Variants in NAV2 observed in about 807,000 individuals in gnomAD.
NAV2 encodes helicase, APC down-regulated 1.
NAV2 carries 54 observed loss-of-function variants against 223.2 expected under a neutral mutation model. That is an observed-to-expected ratio of 0.24 (90% CI 0.19 to 0.30). The LOEUF is 0.30. NAV2 is among the 10% of genes least tolerant of loss of function. NAV2 has a pLI of 1.00. For synonymous variants in NAV2, 1,279 were observed against 1,239.3 expected, an observed-to-expected ratio of 1.03 and a Z score of -0.67; for missense variants, 2,806 against 3,147.5, an observed-to-expected ratio of 0.89 and a Z score of 2.60.
At chr11:19,783,138 G>T (rs2056861048) in intron 1 of NAV2, among the ~76,000 whole-genome samples, 1 of 152,224 alleles carries the variant, frequency 6.6e-6, no homozygotes, top group African/African-American at 2.4e-5. Flanking sequence ...GTGTATGTCT[G>T]TAGAGGGTCC....
chr11:19,857,067 T>C (rs2061447562), intron 3 of NAV2, among the ~76,000 whole-genome samples: 1 of 152,250 alleles, frequency 6.6e-6, no homozygotes, highest in South Asian at 2.1e-4. Flanking sequence ...CCTCTACAGA[T>C]TATTCCATTA....
At chr11:19,809,678 T>A (rs149465915) in intron 1 of NAV2, among the ~76,000 whole-genome samples, 2 of 152,350 alleles carry the variant, frequency 1.3e-5, no homozygotes, top group East Asian at 1.9e-4. Context: ...CTCTCATGCA[T>A]CCTTAGACTT....
chr11:19,482,696 G>C (rs770268648), intron 1 of NAV2, among the ~76,000 whole-genome samples: 5 of 152,202 alleles, frequency 3.3e-5, no homozygotes, highest in Non-Finnish European at 5.9e-5. Context: ...ATCTGGAGCT[G>C]GTCGGATGGG....
rs11312196 is a variant in NAV2 at position 19,445,751 on chromosome 11, A to AT, written c.75+94744dup. Among the ~76,000 whole-genome samples the AT allele has an allele frequency of 9.7e-3, 1,303 of 134,944 alleles. 14 individuals are homozygous for AT. The highest frequency in any genetic ancestry group is 0.016 in the African/African-American group (590 of 36,138). The allele number at this position is 134,944 out of a possible 152,430, so 88.5% of individuals were successfully genotyped here. Reference sequence around the variant, plus strand: ...CCTCTTTATTGTCTCTGGGCCTCTGATTTTTTTTTTTTTTTTTTTTAAATA... The same window carrying AT: ...CCTCTTTATTGTCTCTGGGCCTCTGATTTTTTTTTTTTTTTTTTTTTAAATA... On this transcript the variant is annotated intron_variant, in intron 1 of 37. Transcript: ENST00000360655.
chr11:19,978,716 T>C (rs934843205), intron 10 of NAV2: 5 of 151,288 alleles, frequency 3.3e-5, no homozygotes, highest in Admixed American at 6.6e-5. Flanking sequence ...AGCAAGTCGG[T>C]ACGTATTTCT....
chr11:19,545,295 C>T (rs760982332), intron 1 of NAV2, among the ~76,000 whole-genome samples: 1 of 152,178 alleles, frequency 6.6e-6, no homozygotes, highest in East Asian at 1.9e-4. Flanking sequence ...TGGTTTGGGC[C>T]GGGCAGCCAA....
chr11:19,358,974 C>T lies in NAV2; in HGVS notation c.75+7947C>T, dbSNP rs1049789032. ...GCTGAAAGTCTCTCTTTTTCACTAG[C>T]CATTCAGTTTCATGTTTGTTTCTGT... On this transcript the variant is annotated intron_variant, in intron 1 of 37. Coordinates refer to the NAV2 transcript ENST00000360655. Among the ~76,000 whole-genome samples the T allele has an allele frequency of 2.6e-5, 4 of 152,172 alleles. No homozygotes were observed. The South Asian group carries it at 8.3e-4, about 32-fold the overall frequency.
intron 1 of NAV2, among the ~76,000 whole-genome samples, chr11:19,638,897 G>A (rs1228020035): frequency 2.0e-5 from 3 of 152,220 alleles, no homozygotes; most frequent in Non-Finnish European, 4.4e-5. Context: ...GGAGGCTGAG[G>A]CAGGAGACTC....
At chr11:19,778,360 C>T (rs2056457665) in intron 1 of NAV2, 1 of 455,542 alleles carries the variant, frequency 2.2e-6, no homozygotes, top group African/African-American at 2.0e-5. Context: ...AAGTTCCCAC[C>T]TTGTAGAACT....
chr11:19,971,571 T>C (rs2049248618), intron 10 of NAV2, among the ~76,000 whole-genome samples: 1 of 152,218 alleles, frequency 6.6e-6, no homozygotes, highest in Non-Finnish European at 1.5e-5. Flanking sequence ...ATATGCAACT[T>C]TTGTGGATGT....
intron 1 of NAV2, among the ~76,000 whole-genome samples, chr11:19,818,195 A>C (rs2059198047): frequency 8.0e-6 from 1 of 125,520 alleles, no homozygotes; most frequent in African/African-American, 3.3e-5. Context: ...ATAATAACTC[A>C]TGTTTTTTTC....
At chr11:19,795,538 G>T (rs2057820323) in intron 1 of NAV2, among the ~76,000 whole-genome samples, 1 of 152,204 alleles carries the variant, frequency 6.6e-6, no homozygotes, top group South Asian at 2.1e-4. Flanking sequence ...GTTCACCAGT[G>T]TACAGTCTGA....
intron 1 of NAV2, among the ~76,000 whole-genome samples, chr11:19,750,922 C>G (rs185839436): frequency 6.6e-6 from 1 of 152,282 alleles, no homozygotes; most frequent in African/African-American, 2.4e-5. Flanking sequence ...TGATTCCCAC[C>G]AGGTACTCTA....
chr11:19,823,201 C>T (rs1421769016), intron 1 of NAV2, among the ~76,000 whole-genome samples: 1 of 152,006 alleles, frequency 6.6e-6, no homozygotes. Flanking sequence ...CATGCTACCA[C>T]ACCTGGCTAA....
intron 1 of NAV2, among the ~76,000 whole-genome samples, chr11:19,536,655 G>A (rs1286958455): frequency 2.6e-5 from 4 of 152,234 alleles, no homozygotes; most frequent in Non-Finnish European, 5.9e-5. Context: ...TTGATAAGGA[G>A]AAGTTAAGTG....
At position 20,095,475 on chromosome 11, in the gene NAV2, C is replaced by T. The variant is rs116930317; in HGVS notation, c.5917-197C>T. 2.7e-3 allele frequency among the ~76,000 whole-genome samples: 413 copies of T among 152,266 alleles called. 3 individuals carry two copies. The highest frequency in any genetic ancestry group is 0.026 in the South Asian group (124 of 4,818). ...AATCCTCTTTTCCTGACTCTTGGAC[C>T]GCTGTTTTAGCAGTAAAGCAGGGAA... On this transcript the variant is annotated intron_variant, in intron 29 of 37. Coordinates refer to ENST00000349880, the MANE Select transcript of NAV2 (RefSeq NM_145117.5).
At chr11:19,513,780 A>G (rs2134252907) in intron 1 of NAV2, among the ~76,000 whole-genome samples, 1 of 152,356 alleles carries the variant, frequency 6.6e-6, no homozygotes, top group Middle Eastern at 3.4e-3. Flanking sequence ...CCCTTAATCC[A>G]ATATGACTGG....
chr11:19,850,887 T>A (rs987752302), intron 3 of NAV2, among the ~76,000 whole-genome samples: 17 of 152,236 alleles, frequency 1.1e-4, no homozygotes, highest in Admixed American at 1.1e-3. Flanking sequence ...TTTTATCCAT[T>A]CCATTAAAAA....
At chr11:19,556,472 G>A (rs987353682) in intron 1 of NAV2, among the ~76,000 whole-genome samples, 1 of 152,210 alleles carries the variant, frequency 6.6e-6, no homozygotes, top group Non-Finnish European at 1.5e-5. Context: ...AGGAACCACA[G>A]CAGGGATCTC....
Sources: gnomAD v4.1 joint callset for allele counts (sites outside exome capture counted in the v4.1 genomes callset) on GRCh38, gnomAD v4.1.1 for gene constraint, MANE v1.5 for transcripts, NCBI Gene and HGNC (gene_info 2026-07-23, HGNC 2026-07-21) for gene names.